TMEM270: variants seen among roughly 807,000 people sequenced by gnomAD.
TMEM270 encodes Williams-Beuren syndrome chromosome region 28.
Under a neutral mutation model 29.9 loss-of-function variants are expected in TMEM270, and 30 were observed. The observed-to-expected ratio is 1.00, with a 90% CI of 0.75 to 1.36. The LOEUF (loss-of-function observed/expected upper bound fraction) is 1.36, where lower values mean the gene tolerates loss of function less well. Ranked by LOEUF, TMEM270 falls within the 40% of genes most tolerant of loss-of-function variation. The pLI is 0.00. For missense variants in TMEM270, 313 were observed against 307.1 expected (o/e 1.02, Z -0.14); for synonymous variants, 135 against 139.8 (o/e 0.97, Z 0.24).
Position 73,865,885 on chromosome 7 carries a change from T to C in TMEM270, c.*12T>C. The C allele has an allele frequency of 6.2e-7, 1 of 1,604,556 alleles. No individual in the cohort carries two copies. Among genetic ancestry groups the C allele is most frequent in the African/African-American group, 1.3e-5 (1 of 74,982 alleles). On this transcript the variant is annotated 3_prime_UTR_variant, in exon 3 of 3. Coordinates refer to ENST00000320531, the MANE Select transcript of TMEM270 (RefSeq NM_182504.4). ...CTCCCAGAGAATAAATGTATCCCCA[T>C]CTGCCTCTCCTGGTCTGGCCTAGCC...
chr7:73,861,570 CT>C, intron 1 of TMEM270: 1 of 531,726 alleles, frequency 1.9e-6, no homozygotes, highest in Non-Finnish European at 3.6e-6. Context: ...CCCCCTCAGC[CT>C]CCAAGTAGCC....
rs782209500 is a variant in TMEM270 at position 73,861,159 on chromosome 7, G to C, written c.-36G>C. On this transcript the variant is annotated 5_prime_UTR_variant, in exon 1 of 3. Coordinates refer to ENST00000320531, the MANE Select transcript of TMEM270 (RefSeq NM_182504.4). ...CCTGTGGCATCTGTGAGGTCACCCT[G>C]CTTCTCCCAGCTGGAGTAGGTGGGG... The C allele has an allele frequency of 1.2e-6, 2 of 1,610,064 alleles. No individual in the cohort carries two copies. Among genetic ancestry groups the C allele is most frequent in the Admixed American group, 3.3e-5 (2 of 60,020 alleles).
At chr7:73,863,745 C>T (rs992514220) in intron 1 of TMEM270, among the ~76,000 whole-genome samples, 24 of 152,078 alleles carry the variant, frequency 1.6e-4, no homozygotes, top group African/African-American at 5.6e-4. Context: ...TTAGGTCTGT[C>T]GTGAATTATG....
chr7:73,864,673 C>T (rs547814550), intron 1 of TMEM270, among the ~76,000 whole-genome samples: 57 of 151,608 alleles, frequency 3.8e-4, no homozygotes, highest in Non-Finnish European at 5.4e-4. Context: ...GAGGCTGAGG[C>T]GGGTGGATCA....
intron 1 of TMEM270, among the ~76,000 whole-genome samples, chr7:73,863,671 T>G (rs1189030643): frequency 2.6e-5 from 4 of 152,172 alleles, no homozygotes; most frequent in Non-Finnish European, 5.9e-5. Context: ...ATTACAGGTG[T>G]GAGCCACCAT....
In TMEM270 at chr7:73,865,566, C is replaced by G. The variant is rs782339460; in HGVS notation, c.502-11C>G. On this transcript the variant is annotated splice_polypyrimidine_tract_variant and intron_variant, in intron 2 of 2. Coordinates refer to ENST00000320531, the MANE Select transcript of TMEM270 (RefSeq NM_182504.4). The stretch of plus-strand genomic sequence containing the variant: ...CTAAGGGCCACCTGCCCATCTGTCT[C>G]CCTGTTCCAGGCCTTGCAAGTGAAC... 13 of 1,611,418 alleles carry G rather than the reference C, an allele frequency of 8.1e-6. No individual in the cohort carries two copies. Among genetic ancestry groups the G allele is most frequent in the African/African-American group, 1.3e-5 (1 of 74,876 alleles).
At position 73,865,300 on chromosome 7, in the gene TMEM270, G is replaced by A. The variant is rs983455023; in HGVS notation, c.380G>A (p.Trp127Ter). Residue 127 changes from tryptophan (W) to a stop codon, truncating the protein, a stop_gained, in exon 2 of 3, where the codon TGG (tryptophan) becomes TAG (stop). Transcript: ENST00000320531. LOFTEE classifies it high-confidence loss of function. ...WEQLGLSVAI[W>*]TDLFLSCLHG... ...CAGCTGGGCCTGTCTGTGGCCATCT[G>A]GACAGATCTGTTTTTGTCATGTCTG... 3 of 1,613,232 alleles carry A rather than the reference G, an allele frequency of 1.9e-6. No individual in the cohort carries two copies. Among genetic ancestry groups the A allele is most frequent in the Admixed American group, 3.3e-5 (2 of 60,002 alleles).
chr7:73,865,592 T>C lies in TMEM270; in HGVS notation c.517T>C (p.Cys173Arg). ...CCTGTTCCAGGCCTTGCAAGTGAAC[T>C]GCGTGGTAAGGAAGCTCCTGGTACA... ...RQLSKALQVN[C>R]VVRKLLVQLR... The change falls in exon 3 of 3, where the codon TGC becomes CGC. Residue 173 changes from cysteine to arginine, a missense_variant. Transcript: ENST00000320531. 6.2e-7 allele frequency: 1 copy of C among 1,613,852 alleles called. No homozygotes were observed. Among genetic ancestry groups the C allele is most frequent in the Non-Finnish European group, 8.5e-7 (1 of 1,179,812 alleles).
At chr7:73,861,106 C>T (rs563789950), upstream of TMEM270, 132 of 1,358,434 alleles carry the variant, frequency 9.7e-5, no homozygotes, top group South Asian at 2.6e-4. Flanking sequence ...TGGCGGCAAC[C>T]GGGTCCCCAT....
chr7:73,861,148 G>A (rs1554639161), upstream of TMEM270: 2 of 1,599,988 alleles, frequency 1.3e-6, no homozygotes, highest in African/African-American at 2.7e-5. Flanking sequence ...TGGCATCTGT[G>A]AGGTCACCCT....
At chr7:73,863,430 C>T (rs1181880603) in intron 1 of TMEM270, among the ~76,000 whole-genome samples, 1 of 150,534 alleles carries the variant, frequency 6.6e-6, no homozygotes, top group Non-Finnish European at 1.5e-5. Flanking sequence ...CACTCTGTTA[C>T]CCAGGCTGGA....
In TMEM270 at chr7:73,861,478, C is replaced by T. The variant is rs1554639249; in HGVS notation, c.72+212C>T. 3 of 654,632 alleles carry T rather than the reference C, an allele frequency of 4.6e-6. No individual in the cohort carries two copies. In the South Asian group the frequency reaches 4.6e-5, roughly 10 times the overall value. The allele number at this position is 654,632 out of a possible 1,614,324, so 40.6% of individuals were successfully genotyped here. On this transcript the variant is annotated intron_variant, in intron 1 of 2. Coordinates refer to ENST00000320531, the MANE Select transcript of TMEM270 (RefSeq NM_182504.4). ...TCTTTTCTTTATTTAGAGACAGGGTCTCGCTCTGTCGCCCAGCCTGGAGCG... is the reference window on the plus strand; with the variant it reads ...TCTTTTCTTTATTTAGAGACAGGGTTTCGCTCTGTCGCCCAGCCTGGAGCG...
rs1554639934 is a variant in TMEM270 at position 73,865,871 on chromosome 7, T to C, written c.796T>C (p.Ter266GlnextTer?). The C allele has an allele frequency of 6.2e-7, 1 of 1,609,560 alleles. No homozygotes were observed. Among genetic ancestry groups the C allele is most frequent in the Non-Finnish European group, 8.5e-7 (1 of 1,179,152 alleles). Reference protein sequence around the residue: ...VLPEQETPRE* With the variant: ...VLPEQETPREQ ...GCCAGAGCAAGAAACTCCCAGAGAA[T>C]AAATGTATCCCCATCTGCCTCTCCT... The change falls in exon 3 of 3, where the codon TAA becomes CAA. Residue 266 changes from the stop codon to glutamine (Q), a stop_lost. Coordinates refer to ENST00000320531, the MANE Select transcript of TMEM270 (RefSeq NM_182504.4).
Position 73,865,590 on chromosome 7 carries a change from A to G in TMEM270, c.515A>G (p.Asn172Ser). ...TCCCTGTTCCAGGCCTTGCAAGTGA[A>G]CTGCGTGGTAAGGAAGCTCCTGGTA... Reference protein sequence around the residue: ...GRQLSKALQVNCVVRKLLVQL... With the variant: ...GRQLSKALQVSCVVRKLLVQL... Residue 172 changes from asparagine (N) to serine (S), a missense_variant, in exon 3 of 3, where the codon AAC becomes AGC. Physicochemically the swap from Asn to Ser is conservative, Grantham distance 46. Transcript: ENST00000320531. 6.2e-7 allele frequency: 1 copy of G among 1,613,760 alleles called. No individual in the cohort carries two copies. The highest frequency in any genetic ancestry group is 8.5e-7 in the Non-Finnish European group (1 of 1,179,766).
chr7:73,865,151 C>G lies in TMEM270; in HGVS notation c.231C>G (p.Leu77=), dbSNP rs1554639760. The G allele has an allele frequency of 3.7e-6, 6 of 1,610,290 alleles. No homozygotes were observed. Among genetic ancestry groups the G allele is most frequent in the Non-Finnish European group, 5.1e-6 (6 of 1,177,322 alleles). ...CAGCCTGCCCCCTGGGCCAGGCTCT[C>G]TGGGCTGGGCTGGCTCTGATACAGG... ...GAAACPLGQA[L]WAGLALIQVP... Residue 77 remains leucine, a synonymous_variant, in exon 2 of 3, where the codon CTC becomes CTG. Transcript: ENST00000320531.
chr7:73,864,114 C>CA (rs34181696), intron 1 of TMEM270, among the ~76,000 whole-genome samples: 41,613 of 81,286 alleles, frequency 0.51, 11,259 homozygotes, highest in Non-Finnish European at 0.62. Context: ...CCCGCCTCTA[C>CA]AAAAAAAAAA....
At chr7:73,862,872 G>GAAAAAA (rs71082281) in intron 1 of TMEM270, among the ~76,000 whole-genome samples, 2 of 44,082 alleles carry the variant, frequency 4.5e-5, no homozygotes, top group Admixed American at 3.5e-4. Context: ...CCCTGTCTCA[G>GAAAAAA]AAAAAAAAAA....
At position 73,865,772 on chromosome 7, in the gene TMEM270, C is replaced by T. The variant is rs1788897596; in HGVS notation, c.697C>T (p.Pro233Ser). Residue 233 changes from proline to serine, a missense_variant, in exon 3 of 3, where the codon CCC becomes TCC. By Grantham distance (74) the Pro-to-Ser change is moderately conservative. Coordinates refer to ENST00000320531, the MANE Select transcript of TMEM270 (RefSeq NM_182504.4). ...GCTGGCCGAGGCCCAGGAGGTTGAA[C>T]CCCAGGAGGTCTCAGGGTCTTCCTT... ...TQLAEAQEVE[P>S]QEVSGSSLLP... The T allele has an allele frequency of 6.2e-7, 1 of 1,614,126 alleles. No individual in the cohort carries two copies. The highest frequency in any genetic ancestry group is 8.5e-7 in the Non-Finnish European group (1 of 1,180,028).
chr7:73,862,117 T>C (rs1438377045), intron 1 of TMEM270, among the ~76,000 whole-genome samples: 4 of 149,148 alleles, frequency 2.7e-5, no homozygotes, highest in African/African-American at 5.0e-5. Context: ...TCTCTCTTTT[T>C]TTTTTTTTCA....
Sources: gnomAD v4.1 joint callset for allele counts (sites outside exome capture counted in the v4.1 genomes callset) on GRCh38, gnomAD v4.1.1 for gene constraint, MANE v1.5 for transcripts, NCBI Gene and HGNC (gene_info 2026-07-23, HGNC 2026-07-21) for gene names.